AFF1: variants seen among roughly 807,000 people sequenced by gnomAD.
AFF1 encodes AF4/FMR2 family member 1.
AFF1 carries 48 observed loss-of-function variants against 121.7 expected under a neutral mutation model. The observed-to-expected ratio is 0.39, with a 90% confidence interval of 0.31 to 0.50. AFF1 has a LOEUF of 0.50. Ranked by LOEUF, AFF1 falls within the 20% of genes least tolerant of loss-of-function variation. The pLI is 0.76. For synonymous variants in AFF1, 613 were observed against 563.0 expected (o/e 1.09, Z -1.26); for missense variants, 1,523 against 1,511.7 (o/e 1.01, Z -0.12).
intron 2 of AFF1, among the ~76,000 whole-genome samples, chr4:87,045,783 C>T (rs1224559843): frequency 6.6e-6 from 1 of 152,142 alleles, no homozygotes; most frequent in African/African-American, 2.4e-5. Context: ...ATCCTGCTGA[C>T]TCCTGCAGAT....
chr4:87,130,379 G>A (rs1426397279), intron 16 of AFF1, among the ~76,000 whole-genome samples: 2 of 152,210 alleles, frequency 1.3e-5, no homozygotes, highest in Admixed American at 1.3e-4. Context: ...GCCACATGTA[G>A]AGAGAAAGAC....
chr4:86,954,342 TA>T (rs1173534015), intron 2 of AFF1, among the ~76,000 whole-genome samples: 11 of 152,194 alleles, frequency 7.2e-5, no homozygotes, highest in Admixed American at 7.2e-4. Context: ...GCCTTATGAA[TA>T]ACATAAACAG....
intron 13 of AFF1, 142 bp downstream of exon 13, chr4:87,125,285 T>C (rs1322654582): frequency 9.7e-6 from 5 of 515,762 alleles, no homozygotes; most frequent in Non-Finnish European, 1.6e-5. Context: ...TAAGTTTGTT[T>C]TTCTTTCTTG....
rs115348190 is a variant in AFF1, at chr4:87,055,040, C to T, written c.1059+7446C>T. The stretch of plus-strand genomic sequence containing the variant: ...TCACCCGGGCTGGAATGCAGTAGCA[C>T]GATCACAGCTCACTTCAGCCTTGAA... On this transcript the variant is annotated intron_variant, in intron 4 of 20. Transcript: ENST00000395146. Among the ~76,000 whole-genome samples the T allele has an allele frequency of 3.0e-4, 46 of 152,268 alleles. No homozygotes were observed. The East Asian group carries it at 6.4e-3, about 21-fold the overall frequency.
rs74433296 is a variant in AFF1 at position 87,035,487 on chromosome 4, G to C, written c.39-10679G>C. ...GAGGCAGGAGAATGATGTGAACCCG[G>C]GAGGCGGAGCTTGCAGTGAGCGGAG... On this transcript the variant is annotated intron_variant, in intron 2 of 20. Transcript: ENST00000395146. Among the ~76,000 whole-genome samples the C allele has an allele frequency of 7.4e-4, 113 of 152,164 alleles. 3 individuals are homozygous for C. In the East Asian group the frequency reaches 0.019, roughly 26 times the overall value.
chr4:87,034,957 GA>G (rs1456888129), intron 2 of AFF1, among the ~76,000 whole-genome samples: 1 of 152,186 alleles, frequency 6.6e-6, no homozygotes, highest in Admixed American at 6.5e-5. Context: ...GCTGGGTAAG[GA>G]ACCCTCGGAA....
intron 8 of AFF1, among the ~76,000 whole-genome samples, chr4:87,097,505 C>CGTTAA (rs1286260129): frequency 6.6e-6 from 1 of 152,164 alleles, no homozygotes; most frequent in African/African-American, 2.4e-5. Context: ...CTGAAAGTAG[C>CGTTAA]TAACAAGTAT....
rs529653794 is a variant in AFF1 at position 87,140,604 on chromosome 4, A to C, written c.*4903A>C. ...GTTGATAAATGAAAATCACTGGCCT[A>C]TGTTTAATAAGTTTTTCTTTAATTA... On this transcript the variant is annotated 3_prime_UTR_variant, in exon 21 of 21. Transcript: ENST00000395146. 1 of 184,906 alleles carries C rather than the reference A, an allele frequency of 5.4e-6. No individual in the cohort carries two copies. The highest frequency in any genetic ancestry group is 2.3e-5 in the African/African-American group (1 of 42,554). 11.5% of individuals were successfully genotyped at this position (184,906 alleles called of 1,614,324 possible). A position where few individuals can be genotyped will look rare whatever the true frequency, so the allele number is the denominator to read the frequency against.
chr4:87,026,287 G>A (rs898706211), intron 2 of AFF1, among the ~76,000 whole-genome samples: 6 of 152,078 alleles, frequency 3.9e-5, no homozygotes, highest in African/African-American at 1.4e-4. Flanking sequence ...AGTAGAGATG[G>A]GGTTTTGCCA....
At chr4:86,976,034 GTGTAAA>G (rs1211220913) in intron 2 of AFF1, among the ~76,000 whole-genome samples, 1 of 152,158 alleles carries the variant, frequency 6.6e-6, no homozygotes, top group African/African-American at 2.4e-5. Context: ...ACGAGAAGAA[GTGTAAA>G]TGTAAATGAA....
chr4:87,080,315 A>C (rs917228490), intron 4 of AFF1, among the ~76,000 whole-genome samples: 3 of 152,260 alleles, frequency 2.0e-5, no homozygotes, highest in Admixed American at 6.5e-5. Flanking sequence ...TTCTTGATTC[A>C]TGCAACTATC....
intron 2 of AFF1, among the ~76,000 whole-genome samples, chr4:86,994,566 C>T (rs1430796516): frequency 6.6e-6 from 1 of 152,180 alleles, no homozygotes; most frequent in African/African-American, 2.4e-5. Flanking sequence ...CAGAAATTAT[C>T]TTTTGGCTGC....
intron 2 of AFF1, chr4:87,007,334 C>A: frequency 6.2e-7 from 1 of 1,607,464 alleles, no homozygotes; most frequent in South Asian, 1.1e-5. Flanking sequence ...AAATGGTGAG[C>A]GCGGCGCTGG....
At chr4:87,112,259 G>A (rs762585252) in intron 11 of AFF1, among the ~76,000 whole-genome samples, 8 of 152,160 alleles carry the variant, frequency 5.3e-5, no homozygotes, top group Non-Finnish European at 1.5e-5. Flanking sequence ...TGCGTTCTTA[G>A]AATATTGAAT....
chr4:86,936,102 T>G (rs2149435207), intron 1 of AFF1: 1 of 152,348 alleles, frequency 6.6e-6, no homozygotes, highest in South Asian at 2.1e-4. Flanking sequence ...CCGCAAATTG[T>G]TATGCAGATC....
intron 2 of AFF1, among the ~76,000 whole-genome samples, chr4:86,961,193 A>T (rs1722117662): frequency 6.6e-6 from 1 of 152,164 alleles, no homozygotes; most frequent in Non-Finnish European, 1.5e-5. Context: ...TAATAAGCGC[A>T]GTGACCAGAC....
chr4:87,075,346 G>A (rs767683180), intron 4 of AFF1, among the ~76,000 whole-genome samples: 4 of 151,914 alleles, frequency 2.6e-5, no homozygotes, highest in Non-Finnish European at 4.4e-5. Context: ...AAATATGTGT[G>A]CATATATTCA....
At chr4:87,072,382 A>T (rs1027691493) in intron 4 of AFF1, among the ~76,000 whole-genome samples, 2 of 138,620 alleles carry the variant, frequency 1.4e-5, no homozygotes, top group Admixed American at 7.1e-5. Context: ...AAAAAAAAAA[A>T]TTTAAATTCA....
intron 12 of AFF1, among the ~76,000 whole-genome samples, chr4:87,119,090 G>A (rs1727412835): frequency 6.6e-6 from 1 of 152,106 alleles, no homozygotes; most frequent in Non-Finnish European, 1.5e-5. Context: ...GTGGGCCTTA[G>A]GTTCCCTGCC....
Sources: gnomAD v4.1 joint callset for allele counts (sites outside exome capture counted in the v4.1 genomes callset) on GRCh38, gnomAD v4.1.1 for gene constraint, MANE v1.5 for transcripts, NCBI Gene and HGNC (gene_info 2026-07-23, HGNC 2026-07-21) for gene names.